Variants in LIMCH1 observed in about 807,000 individuals in gnomAD.
The protein encoded by LIMCH1 is LIM and calponin homology domains 1.
A neutral mutation model predicts 176.5 loss-of-function variants in LIMCH1; 113 were observed. That is an observed-to-expected ratio of 0.64 (90% CI 0.55 to 0.75). The LOEUF (loss-of-function observed/expected upper bound fraction) is 0.75, where lower values mean the gene tolerates loss of function less well. Among genes scored for constraint, LIMCH1 ranks in the 30% least tolerant of loss-of-function variants. LIMCH1 has a pLI of 0.00. For missense variants in LIMCH1, 1,674 were observed against 1,814.9 expected, an observed-to-expected ratio of 0.92 and a Z score of 1.41; for synonymous variants, 619 against 645.9, an observed-to-expected ratio of 0.96 and a Z score of 0.63.
At chr4:41,608,010 A>G (rs2090956673) in intron 4 of LIMCH1, among the ~76,000 whole-genome samples, 1 of 152,236 alleles carries the variant, frequency 6.6e-6, no homozygotes, top group East Asian at 1.9e-4. Flanking sequence ...AAGCCTCAAA[A>G]TAACAGATAA....
chr4:41,425,029 G>A (rs1280645723), intron 1 of LIMCH1, among the ~76,000 whole-genome samples: 1 of 152,052 alleles, frequency 6.6e-6, no homozygotes, highest in Non-Finnish European at 1.5e-5. Context: ...CACTTCCCTG[G>A]TCCATCTCCT....
At chr4:41,421,688 T>C (rs1357041248) in intron 1 of LIMCH1, among the ~76,000 whole-genome samples, 1 of 152,176 alleles carries the variant, frequency 6.6e-6, no homozygotes, top group Non-Finnish European at 1.5e-5. Flanking sequence ...AGCATAAGAC[T>C]GAAAGTGTTA....
intron 1 of LIMCH1, among the ~76,000 whole-genome samples, chr4:41,584,744 TAC>T (rs2086149496): frequency 6.6e-6 from 1 of 152,222 alleles, no homozygotes; most frequent in Non-Finnish European, 1.5e-5. Flanking sequence ...TTTTTAGGTG[TAC>T]AGTTTAGTAA....
At chr4:41,553,047 G>A (rs961348203) in intron 1 of LIMCH1, among the ~76,000 whole-genome samples, 1 of 152,216 alleles carries the variant, frequency 6.6e-6, no homozygotes, top group African/African-American at 2.4e-5. Context: ...GACCCTAGGT[G>A]CCACTGGTAT....
intron 1 of LIMCH1, among the ~76,000 whole-genome samples, chr4:41,363,942 C>G (rs2052558266): frequency 6.6e-6 from 1 of 152,164 alleles, no homozygotes; most frequent in African/African-American, 2.4e-5. Flanking sequence ...TTCCATACTA[C>G]TTTTCTAGAA....
intron 2 of LIMCH1, among the ~76,000 whole-genome samples, chr4:41,511,195 G>T (rs1323479489): frequency 6.6e-6 from 1 of 152,174 alleles, no homozygotes; most frequent in Non-Finnish European, 1.5e-5. Context: ...CATTTGCACT[G>T]GTCACAGAGG....
intron 25 of LIMCH1, among the ~76,000 whole-genome samples, chr4:41,681,977 G>A (rs920827317): frequency 1.3e-5 from 2 of 152,176 alleles, no homozygotes; most frequent in African/African-American, 4.8e-5. Context: ...ATAGAAGATG[G>A]AAGTACAGGG....
chr4:41,540,925 C>T (rs991344093), intron 1 of LIMCH1, among the ~76,000 whole-genome samples: 15 of 152,120 alleles, frequency 9.9e-5, no homozygotes, highest in African/African-American at 3.1e-4. Flanking sequence ...ACAGCTGCTA[C>T]GTTCCTTGTT....
intron 6 of LIMCH1, 32 bp downstream of exon 6, chr4:41,619,472 G>A (rs908624818): frequency 1.2e-6 from 2 of 1,600,896 alleles, no homozygotes; most frequent in African/African-American, 1.3e-5. Flanking sequence ...CCTCTTCCTG[G>A]CTTGGGCATG....
At chr4:41,636,340 C>CTTTTTTT (rs35828085) in intron 13 of LIMCH1, among the ~76,000 whole-genome samples, 3 of 104,946 alleles carry the variant, frequency 2.9e-5, no homozygotes, top group Non-Finnish European at 3.8e-5. Flanking sequence ...TGCTTTATTA[C>CTTTTTTT]TTTTTTTTTT....
chr4:41,485,774 G>T (rs2069418543), intron 1 of LIMCH1, among the ~76,000 whole-genome samples: 1 of 152,126 alleles, frequency 6.6e-6, no homozygotes, highest in Admixed American at 6.6e-5. Flanking sequence ...ATGGTAGCAT[G>T]ATTTAATTTT....
chr4:41,530,167 A>C (rs1292748735), intron 3 of LIMCH1, among the ~76,000 whole-genome samples: 1 of 152,202 alleles, frequency 6.6e-6, no homozygotes, highest in African/African-American at 2.4e-5. Context: ...AGCTGTAGTG[A>C]TTTCCACATT....
At chr4:41,375,895 A>AT (rs2154099968) in intron 1 of LIMCH1, among the ~76,000 whole-genome samples, 1 of 152,334 alleles carries the variant, frequency 6.6e-6, no homozygotes, top group African/African-American at 2.4e-5. Context: ...TCTTGGGCAG[A>AT]TTTTTCCTTT....
intron 1 of LIMCH1, among the ~76,000 whole-genome samples, chr4:41,383,302 C>G (rs1256353933): frequency 6.6e-6 from 1 of 152,094 alleles, no homozygotes; most frequent in Non-Finnish European, 1.5e-5. Context: ...GGGAGACACA[C>G]AGATAAACAG....
rs754710831 is a variant in LIMCH1, at chr4:41,692,340, G to A, written c.4334G>A (p.Arg1445Gln). Residue 1445 changes from arginine (R) to glutamine (Q), a missense_variant, in exon 31 of 32, where the codon CGA becomes CAA. Transcript: ENST00000503057. Reference protein sequence around the residue: ...DAVSGTDVRIRNGLLNCNDCY... With the variant: ...DAVSGTDVRIQNGLLNCNDCY... ...GTGAGTGGGACGGATGTTAGGATTCGAAATGGTCTCCTGAACTGTAATGAT... is the reference window on the plus strand; with the variant it reads ...GTGAGTGGGACGGATGTTAGGATTCAAAATGGTCTCCTGAACTGTAATGAT... 18 of 1,613,406 alleles carry A rather than the reference G, an allele frequency of 1.1e-5. No homozygotes were observed. Among genetic ancestry groups the A allele is most frequent in the Admixed American group, 1.7e-5 (1 of 59,974 alleles).
At chr4:41,360,024 A>AGG (rs1249496354), upstream of LIMCH1, among the ~76,000 whole-genome samples, 9 of 99,342 alleles carry the variant, frequency 9.1e-5, no homozygotes, top group African/African-American at 3.9e-4. This position sits in a 1 kb window ranked among gnomAD's most constrained non-coding sequence, Gnocchi z 4.5. Flanking sequence ...TAGGGTGTGT[A>AGG]GGGTGTGTGT....
At chr4:41,536,737 T>G (rs1401068541), upstream of LIMCH1, among the ~76,000 whole-genome samples, 5 of 151,982 alleles carry the variant, frequency 3.3e-5, no homozygotes, top group Admixed American at 1.3e-4. Context: ...GTCAAGGCCA[T>G]CAAAAGCAAG....
intron 2 of LIMCH1, among the ~76,000 whole-genome samples, chr4:41,505,249 A>G (rs531545398): frequency 6.6e-6 from 1 of 152,242 alleles, no homozygotes; most frequent in East Asian, 1.9e-4. Flanking sequence ...ACCCTGTACC[A>G]CTGGCTGTTC....
intron 2 of LIMCH1, among the ~76,000 whole-genome samples, chr4:41,514,926 T>C (rs1330495339): frequency 6.6e-6 from 1 of 152,242 alleles, no homozygotes; most frequent in Non-Finnish European, 1.5e-5. Flanking sequence ...CAAAGTCTTA[T>C]GTAACCCAAA....
Sources: allele counts gnomAD v4.1 joint callset (sites outside exome capture counted in the v4.1 genomes callset), GRCh38; gene constraint gnomAD v4.1.1; non-coding constraint Gnocchi (gnomAD v3.1); transcripts MANE v1.5; gene names NCBI Gene and HGNC (gene_info 2026-07-23, HGNC 2026-07-21).